PRELID2: variants seen among roughly 807,000 people sequenced by gnomAD.
The protein encoded by PRELID2 is PRELI domain-containing protein 2.
Under a neutral mutation model 28.4 loss-of-function variants are expected in PRELID2, and 25 were observed. The observed-to-expected ratio is 0.88, with a 90% CI of 0.64 to 1.23. PRELID2 has a LOEUF of 1.23. Ranked by LOEUF, PRELID2 falls within the 50% of genes most tolerant of loss-of-function variation. PRELID2 has a pLI of 0.00. For synonymous variants in PRELID2, 76 were observed against 71.6 expected (o/e 1.06, Z -0.31); for missense variants, 201 against 214.4 (o/e 0.94, Z 0.39).
rs181169590 is a variant in PRELID2 at position 145,737,274 on chromosome 5, G to A, written n.70+27657C>T. 2.5e-3 allele frequency among the ~76,000 whole-genome samples: 378 copies of A among 152,188 alleles called. 2 individuals are homozygous for A. Among genetic ancestry groups the A allele is most frequent in the Middle Eastern group, 6.8e-3 (2 of 294 alleles). ...GGAGTATAACAGGGGACCCAGACTC[G>A]TGTGCTGGCTCAGAATGAGCATCTC... On this transcript the variant is annotated intron_variant and non_coding_transcript_variant, in intron 1 of 2. Transcript: ENST00000510259.
chr5:145,436,271 T>C, the PRELID2 span, among the ~76,000 whole-genome samples: 2 of 152,174 alleles, frequency 1.3e-5, no homozygotes, highest in Non-Finnish European at 2.9e-5. Flanking sequence ...GATCTTATTG[T>C]TATTTATGGC....
intron 1 of PRELID2, among the ~76,000 whole-genome samples, chr5:145,657,879 A>G (rs750896237): frequency 6.6e-6 from 1 of 152,168 alleles, no homozygotes; most frequent in Non-Finnish European, 1.5e-5. Flanking sequence ...ATGATGGGTT[A>G]AGCATTCCAC....
At chr5:145,470,733 G>A (rs184373535), downstream of PRELID2, among the ~76,000 whole-genome samples, 47 of 152,198 alleles carry the variant, frequency 3.1e-4, no homozygotes, top group African/African-American at 1.1e-3. Flanking sequence ...TACAGATAGG[G>A]AGACAGAAAT....
intron 5 of PRELID2, among the ~76,000 whole-genome samples, chr5:145,791,966 A>AG (rs1752424892): frequency 2.0e-5 from 3 of 152,280 alleles, no homozygotes; most frequent in African/African-American, 7.2e-5. Flanking sequence ...TCTGAACAGA[A>AG]GGGAAGATAT....
chr5:145,267,565 G>A, the PRELID2 span, among the ~76,000 whole-genome samples: 1,944 of 152,280 alleles, frequency 0.013, 28 homozygotes, highest in Middle Eastern at 0.027. Context: ...CCTCTGTGTA[G>A]ACACTTAGGT....
At chr5:145,292,392 T>C in the PRELID2 span, among the ~76,000 whole-genome samples, 1 of 151,656 alleles carries the variant, frequency 6.6e-6, no homozygotes, top group East Asian at 2.0e-4. Context: ...TAGTGGTTTG[T>C]GTGCAGGGGC....
the PRELID2 span, among the ~76,000 whole-genome samples, chr5:145,302,032 G>A: frequency 6.8e-6 from 1 of 146,670 alleles, no homozygotes; most frequent in East Asian, 2.0e-4. Flanking sequence ...TGGCCAAGAT[G>A]TTCATTAGTA....
At chr5:145,424,402 G>T in the PRELID2 span, among the ~76,000 whole-genome samples, 46 of 152,328 alleles carry the variant, frequency 3.0e-4, 1 homozygote, top group Middle Eastern at 0.024. Flanking sequence ...CGTGAGCGTT[G>T]GACCCTCCCA....
At chr5:145,591,138 A>G (rs941999151) in intron 1 of PRELID2, among the ~76,000 whole-genome samples, 2 of 151,312 alleles carry the variant, frequency 1.3e-5, no homozygotes, top group Admixed American at 6.6e-5. Context: ...TCTACAAAAC[A>G]TAAAAATATT....
chr5:145,354,618 C>T, the PRELID2 span, among the ~76,000 whole-genome samples: 1 of 152,124 alleles, frequency 6.6e-6, no homozygotes, highest in African/African-American at 2.4e-5. Flanking sequence ...ACCTCCTGTG[C>T]AGAATTACTT....
At chr5:145,377,869 T>A in the PRELID2 span, among the ~76,000 whole-genome samples, 1 of 152,180 alleles carries the variant, frequency 6.6e-6, no homozygotes, top group Admixed American at 6.5e-5. Flanking sequence ...CTAGTATTGA[T>A]ATGTGTGGAT....
the PRELID2 span, among the ~76,000 whole-genome samples, chr5:145,412,337 T>C: frequency 2.0e-5 from 3 of 152,272 alleles, no homozygotes; most frequent in South Asian, 6.2e-4. Flanking sequence ...TTATCTCAAG[T>C]TCAAAGTTCC....
At chr5:145,421,011 C>T in the PRELID2 span, among the ~76,000 whole-genome samples, 1 of 145,030 alleles carries the variant, frequency 6.9e-6, no homozygotes, top group Non-Finnish European at 1.5e-5. Flanking sequence ...TTGTCTTTTG[C>T]TCTGTTTATA....
chr5:145,779,054 G>C (rs1010100154), intron 5 of PRELID2, among the ~76,000 whole-genome samples: 1 of 152,164 alleles, frequency 6.6e-6, no homozygotes, highest in Admixed American at 6.5e-5. Flanking sequence ...GATTACTCCT[G>C]TGTCATATAG....
chr5:145,590,590 C>T (rs2149630651), intron 1 of PRELID2, among the ~76,000 whole-genome samples: 1 of 152,258 alleles, frequency 6.6e-6, no homozygotes, highest in South Asian at 2.1e-4. Context: ...TTAGGAATTT[C>T]ATCAATATGT....
intron 1 of PRELID2, among the ~76,000 whole-genome samples, chr5:145,646,570 T>C (rs1436272312): frequency 6.6e-6 from 1 of 152,184 alleles, no homozygotes; most frequent in East Asian, 1.9e-4. Context: ...CCAGTTTTGC[T>C]CCCTTGCTGT....
chr5:145,656,835 G>A (rs1321452876), intron 1 of PRELID2, among the ~76,000 whole-genome samples: 1 of 151,886 alleles, frequency 6.6e-6, no homozygotes, highest in Non-Finnish European at 1.5e-5. Flanking sequence ...ACACCAACAT[G>A]GTACATGTAT....
At chr5:145,750,866 G>GT (rs1156679458) in intron 1 of PRELID2, among the ~76,000 whole-genome samples, 2 of 152,148 alleles carry the variant, frequency 1.3e-5, no homozygotes, top group African/African-American at 4.8e-5. Flanking sequence ...AGCTTCATTA[G>GT]TTTTTTCCAT....
At chr5:145,490,469 T>C (rs1465752366) in intron 1 of PRELID2, among the ~76,000 whole-genome samples, 3 of 152,170 alleles carry the variant, frequency 2.0e-5, no homozygotes, top group African/African-American at 7.2e-5. Context: ...GAAACACCAT[T>C]GTGGAAAAGA....
Sources: gnomAD v4.1 joint callset for allele counts (sites outside exome capture counted in the v4.1 genomes callset) on GRCh38, gnomAD v4.1.1 for gene constraint, MANE v1.5 for transcripts, NCBI Gene and HGNC (gene_info 2026-07-23, HGNC 2026-07-21) for gene names.